SLC5A10: variants seen among roughly 807,000 people sequenced by gnomAD.
SLC5A10 encodes solute carrier family 5 member 10.
In SLC5A10, 55 loss-of-function variants were observed where a neutral mutation model predicts 68.9. The ratio of observed to expected loss-of-function variants is 0.80; its 90% CI spans 0.64 to 1.00. The LOEUF (loss-of-function observed/expected upper bound fraction) is 1.00. Ranked by LOEUF, SLC5A10 falls within the 50% of genes least tolerant of loss-of-function variation. The pLI is 0.00. For synonymous variants in SLC5A10, 344 were observed against 344.8 expected, an observed-to-expected ratio of 1.00 and a Z score of 0.02; for missense variants, 732 against 819.3, an observed-to-expected ratio of 0.89 and a Z score of 1.30.
rs374484317 is a variant in SLC5A10 at position 19,003,756 on chromosome 17, C to G, written c.983-9654C>G. ...GCCCCGCTGGCTTCCTCGCCGTCGC[C>G]GACCCCATTGTCCTCGGGCCCCTGA... On this transcript the variant is annotated intron_variant, in intron 9 of 14. Transcript: ENST00000395645. This position sits in a 1 kb window ranked among gnomAD's most constrained non-coding sequence, Gnocchi z 4.5. 6.2e-7 allele frequency: 1 copy of G among 1,606,692 alleles called. No individual in the cohort carries two copies. The highest frequency in any genetic ancestry group is 1.3e-5 in the African/African-American group (1 of 74,550).
In SLC5A10 at chr17:19,020,358, G is replaced by A; in HGVS notation, c.1718G>A (p.Trp573Ter). ...DGQTPQKHAF[W>*]ARVCGFNAIL... ...CAAACACCCCAGAAACACGCCTTCT[G>A]GGCCCGTGTCTGTGGCTTCAATGCC... is the stretch of plus-strand genomic sequence containing the variant. Residue 573 changes from tryptophan to a stop codon, truncating the protein, a stop_gained, in exon 15 of 15, where the codon TGG becomes TAG. Transcript: ENST00000395645. LOFTEE classifies it high-confidence loss of function. The A allele has an allele frequency of 6.2e-7, 1 of 1,614,134 alleles. No individual in the cohort carries two copies. The highest frequency in any genetic ancestry group is 8.5e-7 in the Non-Finnish European group (1 of 1,180,030).
rs142627322 is a variant in SLC5A10, at chr17:18,956,911, A to G, written c.112-1771A>G. Among the ~76,000 whole-genome samples, 220 of 152,274 alleles carry G rather than the reference A, an allele frequency of 1.4e-3. 1 individual carries two copies. Among genetic ancestry groups the G allele is most frequent in the African/African-American group, 5.0e-3 (208 of 41,554 alleles). Reference sequence around the variant, plus strand: ...CATAAAAACCCTGTGAGGGTTAGGAAGCCAAGGCAGGCAGATCACATGAGG... The same window carrying G: ...CATAAAAACCCTGTGAGGGTTAGGAGGCCAAGGCAGGCAGATCACATGAGG... On this transcript the variant is annotated intron_variant, in intron 1 of 14. Transcript: ENST00000395645.
rs58781452 is a variant in SLC5A10, at chr17:19,019,105, G to A, written c.1242-318G>A. The A allele has an allele frequency of 0.013, 4,394 of 344,924 alleles. 360 individuals are homozygous for A. In the East Asian group the frequency reaches 0.18, roughly 14 times the overall value. 21.4% of individuals were successfully genotyped at this position (344,924 alleles called of 1,614,324 possible). Reference sequence around the variant, plus strand: ...AAATGTGCATGTAGTGACTGGGACAGGTGCTTTGAAGGAGAGACAAGAGGG... The same window carrying A: ...AAATGTGCATGTAGTGACTGGGACAAGTGCTTTGAAGGAGAGACAAGAGGG... On this transcript the variant is annotated intron_variant, in intron 11 of 14. Transcript: ENST00000395645.
At chr17:18,990,174 AG>A (rs916749978) in intron 9 of SLC5A10, among the ~76,000 whole-genome samples, 3 of 152,180 alleles carry the variant, frequency 2.0e-5, no homozygotes, top group Non-Finnish European at 2.9e-5. Flanking sequence ...GGGCTGCCCA[AG>A]GTTAAACAGG....
intron 4 of SLC5A10, among the ~76,000 whole-genome samples, chr17:18,960,032 C>T (rs2042581513): frequency 6.6e-6 from 1 of 152,130 alleles, no homozygotes; most frequent in Admixed American, 6.6e-5. Context: ...GGGCTGTACC[C>T]CTGGGCTGCG....
chr17:18,956,204 TA>T, intron 1 of SLC5A10, among the ~76,000 whole-genome samples: 1 of 85,792 alleles, frequency 1.2e-5, no homozygotes, highest in Non-Finnish European at 2.5e-5. Context: ...CAAAAATAAA[TA>T]AATAAATAAA....
chr17:18,969,358 A>G lies in SLC5A10; in HGVS notation c.576A>G (p.Val192=). Residue 192 remains valine, a synonymous_variant, in exon 7 of 15, where the codon GTA becomes GTG. Coordinates refer to ENST00000395645, the MANE Select transcript of SLC5A10 (RefSeq NM_001042450.4). Reference sequence around the variant, plus strand: ...CACTGGCAGGGGGCCTGGCTGCTGTAATCTACACGGACGCCCTGCAGACGC... The same window carrying G: ...CACTGGCAGGGGGCCTGGCTGCTGTGATCTACACGGACGCCCTGCAGACGC... ...LYTIAGGLAA[V]IYTDALQTLI... 6.2e-7 allele frequency: 1 copy of G among 1,613,110 alleles called. No homozygotes were observed. Among genetic ancestry groups the G allele is most frequent in the Non-Finnish European group, 8.5e-7 (1 of 1,179,844 alleles).
Position 19,019,708 on chromosome 17 carries a change from C to A in SLC5A10, c.1411-5C>A. ...CCCCACATGCCCTGCCTCCCTCCTC[C>A]CCAGGGGGCCTTCTGGGGCCTGATA... On this transcript the variant is annotated splice_polypyrimidine_tract_variant and splice_region_variant and intron_variant, in intron 12 of 14. Transcript: ENST00000395645. 1.2e-6 allele frequency: 2 copies of A among 1,608,730 alleles called. No homozygotes were observed. Among genetic ancestry groups the A allele is most frequent in the Non-Finnish European group, 1.7e-6 (2 of 1,179,312 alleles).
Position 19,021,947 on chromosome 17 carries a change from C to T in SLC5A10, c.*1516C>T. 6.7e-7 allele frequency: 1 copy of T among 1,503,032 alleles called. No homozygotes were observed. The highest frequency in any genetic ancestry group is 8.9e-7 in the Non-Finnish European group (1 of 1,127,028). 93.1% of individuals were successfully genotyped at this position (1,503,032 alleles called of 1,614,324 possible). ...TAAAAAGGCCCGTTGGCCAGATCGG[C>T]CGCCGGGCTGCTCACAGGTGCACGG... On this transcript the variant is annotated 3_prime_UTR_variant, in exon 15 of 15. Transcript: ENST00000395645. This position sits in a 1 kb window ranked among gnomAD's most constrained non-coding sequence, Gnocchi z 4.1.
chr17:18,952,699 G>A (rs562734561), intron 1 of SLC5A10, among the ~76,000 whole-genome samples: 3 of 152,164 alleles, frequency 2.0e-5, no homozygotes, highest in African/African-American at 7.2e-5. Flanking sequence ...GCACCCCAGA[G>A]CTGCTGGATC....
intron 1 of SLC5A10, among the ~76,000 whole-genome samples, chr17:18,954,855 G>A (rs962069050): frequency 2.0e-5 from 3 of 151,954 alleles, no homozygotes; most frequent in Non-Finnish European, 2.9e-5. Context: ...GGTGGATCAC[G>A]AGGTCAGGAG....
At chr17:18,958,154 T>A (rs1305243194) in intron 1 of SLC5A10, among the ~76,000 whole-genome samples, 5 of 152,232 alleles carry the variant, frequency 3.3e-5, no homozygotes, top group African/African-American at 9.6e-5. Flanking sequence ...CACTGCAGCA[T>A]CCACCTCCTG....
intron 1 of SLC5A10, among the ~76,000 whole-genome samples, chr17:18,956,186 C>G (rs2042496200): frequency 6.7e-6 from 1 of 148,698 alleles, no homozygotes; most frequent in African/African-American, 2.5e-5. Context: ...AAGAGCGAAA[C>G]TCTGTCTCAA....
At chr17:18,958,558 G>A (rs2042548161) in intron 1 of SLC5A10, 124 bp from the exon 2 acceptor site, 1 of 706,750 alleles carries the variant, frequency 1.4e-6, no homozygotes, top group African/African-American at 1.8e-5. Context: ...CCTAGGAGTG[G>A]AACTTCTGGG....
At position 19,003,455 on chromosome 17, in the gene SLC5A10, C is replaced by G; in HGVS notation, c.983-9955C>G. ...GCTCCCGTTTTGGGCTCTGAGTGAGCCTGTATTGAGAGGGGTCCGGTGGCT... is the reference window on the plus strand; with the variant it reads ...GCTCCCGTTTTGGGCTCTGAGTGAGGCTGTATTGAGAGGGGTCCGGTGGCT... On this transcript the variant is annotated intron_variant, in intron 9 of 14. Transcript: ENST00000395645. The surrounding 1 kb of genome is among the most constrained non-coding windows in gnomAD (Gnocchi z 4.5). 3 of 1,478,146 alleles carry G rather than the reference C, an allele frequency of 2.0e-6. No individual in the cohort carries two copies. The highest frequency in any genetic ancestry group is 2.7e-6 in the Non-Finnish European group (3 of 1,112,148). 91.6% of individuals were successfully genotyped at this position (1,478,146 alleles called of 1,614,324 possible).
At chr17:18,978,181 C>T (rs1467808871) in intron 9 of SLC5A10, 3 of 1,547,188 alleles carry the variant, frequency 1.9e-6, no homozygotes, top group Admixed American at 1.9e-5. Flanking sequence ...CAGGGTCCCC[C>T]TGGGGGAGGC....
chr17:18,968,923 AG>A lies in SLC5A10; in HGVS notation c.454-128del, dbSNP rs1445542005. On this transcript the variant is annotated intron_variant, in intron 5 of 14. Transcript: ENST00000395645. The surrounding 1 kb of genome is among the most constrained non-coding windows in gnomAD (Gnocchi z 4.1). ...GCCCCGTGATGCAGGCAGGCAGGCGAGTGGGGGTCTCCCCTCCTTATCCACA... is the reference window on the plus strand; with the variant it reads ...GCCCCGTGATGCAGGCAGGCAGGCGATGGGGGTCTCCCCTCCTTATCCACA... 2 of 757,558 alleles carry A rather than the reference AG, an allele frequency of 2.6e-6. No homozygotes were observed. The highest frequency in any genetic ancestry group is 5.5e-5 in the East Asian group (2 of 36,360). The allele number at this position is 757,558 out of a possible 1,614,324, so 46.9% of individuals were successfully genotyped here. A position where few individuals can be genotyped will look rare whatever the true frequency, so the allele number is the denominator to read the frequency against.
At chr17:19,013,873 G>C (rs1188556735) in intron 10 of SLC5A10, among the ~76,000 whole-genome samples, 1 of 152,056 alleles carries the variant, frequency 6.6e-6, no homozygotes. Flanking sequence ...CCCTCTCTAG[G>C]TCTTGAGTTC....
intron 9 of SLC5A10, among the ~76,000 whole-genome samples, chr17:19,005,038 T>G (rs2043844594): frequency 1.3e-5 from 2 of 152,212 alleles, no homozygotes; most frequent in Non-Finnish European, 2.9e-5. Context: ...CACCCCCCTG[T>G]GCCCCCAGGG....
Sources: gnomAD v4.1 joint callset for allele counts (sites outside exome capture counted in the v4.1 genomes callset) on GRCh38, gnomAD v4.1.1 for gene constraint, Gnocchi (gnomAD v3.1) non-coding constraint, MANE v1.5 for transcripts, NCBI Gene and HGNC (gene_info 2026-07-23, HGNC 2026-07-21) for gene names.